C5orf47: variants seen among roughly 807,000 people sequenced by gnomAD.
C5orf47 encodes uncharacterized protein C5orf47.
C5orf47 carries 20 observed loss-of-function variants against 20.6 expected under a neutral mutation model. The ratio of observed to expected loss-of-function variants is 0.97; its 90% CI spans 0.68 to 1.41. The LOEUF (loss-of-function observed/expected upper bound fraction) is 1.41, where lower values mean the gene tolerates loss of function less well. Among genes scored for constraint, C5orf47 ranks in the 40% most tolerant of loss-of-function variants. The probability of loss-of-function intolerance (pLI) is 0.00; values close to 1 mark genes in which losing one functional copy is unlikely to be tolerated. For synonymous variants in C5orf47, 106 were observed against 97.3 expected, an observed-to-expected ratio of 1.09 and a Z score of -0.53; for missense variants, 262 against 238.4, an observed-to-expected ratio of 1.10 and a Z score of -0.65.
chr5:173,992,232 A>ATTTTTTTTTTTTTTTTTTTTT (rs112978271), intron 1 of C5orf47, among the ~76,000 whole-genome samples: 1 of 137,084 alleles, frequency 7.3e-6, no homozygotes, highest in Non-Finnish European at 1.6e-5. Flanking sequence ...TATTTTGTTA[A>ATTTTTTTTTTTTTTTTTTTTT]TTTTTTTTTT....
chr5:174,006,669 C>A (rs556847211), downstream of C5orf47, among the ~76,000 whole-genome samples: 5 of 151,998 alleles, frequency 3.3e-5, no homozygotes, highest in African/African-American at 1.2e-4. Context: ...CTGTGGGAGT[C>A]GGGTGGCTGG....
chr5:173,996,798 C>T (rs1759106851), intron 1 of C5orf47, among the ~76,000 whole-genome samples: 1 of 152,080 alleles, frequency 6.6e-6, no homozygotes, highest in South Asian at 2.1e-4. Context: ...AGGTTGTCTG[C>T]TGAGAGTTGT....
chr5:173,998,308 A>G (rs982541103), intron 2 of C5orf47, 70 bp downstream of exon 2: 13 of 791,376 alleles, frequency 1.6e-5, no homozygotes, highest in African/African-American at 3.5e-5. Flanking sequence ...CAAATGTGTA[A>G]AGATATTCAA....
chr5:173,990,203 TGCAGCCTTGACC>T (rs979270718), intron 1 of C5orf47, among the ~76,000 whole-genome samples: 12 of 148,456 alleles, frequency 8.1e-5, no homozygotes, highest in South Asian at 2.2e-4. Flanking sequence ...ACAGGCTCAC[TGCAGCCTTGACC>T]GCAGCCTTGA....
intron 3 of C5orf47, among the ~76,000 whole-genome samples, chr5:174,000,901 A>G (rs989435194): frequency 6.6e-6 from 1 of 152,166 alleles, no homozygotes; most frequent in African/African-American, 2.4e-5. Flanking sequence ...AGATCACTGC[A>G]TAACTTTGAA....
chr5:174,004,166 TCTAA>T (rs150405451), intron 4 of C5orf47, 101 bp from the exon 5 acceptor site: 32 of 152,450 alleles, frequency 2.1e-4, no homozygotes, highest in African/African-American at 7.5e-4. Flanking sequence ...ACAGGGAGTT[TCTAA>T]CTGTTGCTTT....
Position 174,001,226 on chromosome 5 carries a change from C to T in C5orf47, c.*11C>T, listed in dbSNP as rs916504818. ...AATTACACAAGATGAATCTTCTTAT[C>T]TTCTGGTAAGAATTTATTTACGTAA... On this transcript the variant is annotated 3_prime_UTR_variant, in exon 4 of 5. Transcript: ENST00000340147. The T allele has an allele frequency of 1.4e-6, 2 of 1,462,864 alleles. No homozygotes were observed. Among genetic ancestry groups the T allele is most frequent in the Non-Finnish European group, 1.9e-6 (2 of 1,072,504 alleles). 90.6% of individuals were successfully genotyped at this position (1,462,864 alleles called of 1,614,324 possible). A position where few individuals can be genotyped will look rare whatever the true frequency, so the allele number is the denominator to read the frequency against.
At chr5:173,998,043 A>G (rs1010236746) in intron 1 of C5orf47, 110 bp from the exon 2 acceptor site, 3 of 663,038 alleles carry the variant, frequency 4.5e-6, no homozygotes, top group Non-Finnish European at 7.9e-6. Context: ...AAATATACCA[A>G]CAAGTATAAA....
intron 3 of C5orf47, 113 bp from the exon 4 acceptor site, chr5:174,001,083 T>A (rs1040222359): frequency 5.6e-6 from 4 of 711,914 alleles, no homozygotes; most frequent in Admixed American, 5.8e-5. Flanking sequence ...ATAAAACTAA[T>A]AATTATGTTT....
At chr5:174,000,366 G>C (rs936342843) in intron 3 of C5orf47, among the ~76,000 whole-genome samples, 3 of 152,072 alleles carry the variant, frequency 2.0e-5, no homozygotes, top group Admixed American at 2.0e-4. Flanking sequence ...ATGTAGTCTG[G>C]TGTGTTTATC....
intron 3 of C5orf47, 84 bp from the exon 4 acceptor site, chr5:174,001,112 G>T (rs1341663718): frequency 5.0e-6 from 4 of 804,330 alleles, no homozygotes; most frequent in Non-Finnish European, 8.2e-6. Context: ...ATTATAACTT[G>T]TATTCCATAA....
At chr5:173,997,664 C>T (rs937040865) in intron 1 of C5orf47, among the ~76,000 whole-genome samples, 3 of 151,990 alleles carry the variant, frequency 2.0e-5, no homozygotes, top group Middle Eastern at 3.4e-3. Context: ...AGAAGAGGTA[C>T]GTGTGAGCTG....
In C5orf47 at chr5:174,003,381, T is replaced by G. The variant is rs564670786; in HGVS notation, c.*17-890T>G. Among the ~76,000 whole-genome samples, 4 of 152,176 alleles carry G rather than the reference T, an allele frequency of 2.6e-5. No homozygotes were observed. The East Asian group carries it at 7.7e-4, about 29-fold the overall frequency. ...GAGGGTGCAGAGAGGAGATAGATGA[T>G]CAGGTATGGGGATAAGATGATGCTG... On this transcript the variant is annotated intron_variant, in intron 4 of 4. Coordinates refer to ENST00000340147, the MANE Select transcript of C5orf47 (RefSeq NM_001144954.2).
intron 1 of C5orf47, among the ~76,000 whole-genome samples, chr5:173,989,817 G>A (rs1758954270): frequency 6.6e-6 from 1 of 152,204 alleles, no homozygotes; most frequent in Non-Finnish European, 1.5e-5. Context: ...GTTGAATGGA[G>A]CCTTTACGGC....
At chr5:173,995,881 A>G (rs1277343905) in intron 1 of C5orf47, among the ~76,000 whole-genome samples, 2 of 152,240 alleles carry the variant, frequency 1.3e-5, no homozygotes, top group Non-Finnish European at 2.9e-5. Flanking sequence ...ATAAACTTGT[A>G]AGCTGTTTGG....
rs1759256287 is a variant in C5orf47 at position 174,004,687 on chromosome 5, T to C, written c.*433T>C. ...TTAAACTTGGATTCATTTAAATTAT[T>C]TTTGGCTTCCTCTAAACTTCTCAAT... On this transcript the variant is annotated 3_prime_UTR_variant, in exon 5 of 5. Transcript: ENST00000340147. 1 of 152,306 alleles carries C rather than the reference T, an allele frequency of 6.6e-6. No homozygotes were observed. The highest frequency in any genetic ancestry group is 2.4e-5 in the African/African-American group (1 of 41,454). The allele number at this position is 152,306 out of a possible 1,614,324, so 9.4% of individuals were successfully genotyped here.
At chr5:173,999,641 A>G in intron 2 of C5orf47, 59 bp from the exon 3 acceptor site, 2 of 779,522 alleles carry the variant, frequency 2.6e-6, no homozygotes, top group South Asian at 2.3e-5. Flanking sequence ...AGTTGCCTCC[A>G]TGAAAATATA....
intron 1 of C5orf47, among the ~76,000 whole-genome samples, chr5:173,994,832 G>A (rs1759060282): frequency 2.0e-5 from 3 of 152,050 alleles, no homozygotes; most frequent in Admixed American, 2.0e-4. Flanking sequence ...TTTTTGTTTT[G>A]AGACAGTGTC....
At chr5:174,004,225 A>G (rs1030427741) in intron 4 of C5orf47, 46 bp from the exon 5 acceptor site, 3 of 152,318 alleles carry the variant, frequency 2.0e-5, no homozygotes, top group Non-Finnish European at 2.9e-5. Context: ...ACGGATGATG[A>G]TATTTTATAT....
Sources: gnomAD v4.1 joint callset for allele counts (sites outside exome capture counted in the v4.1 genomes callset) on GRCh38, gnomAD v4.1.1 for gene constraint, MANE v1.5 for transcripts, NCBI Gene and HGNC (gene_info 2026-07-23, HGNC 2026-07-21) for gene names.